NUBPL: variants seen among roughly 807,000 people sequenced by gnomAD.
The protein encoded by NUBPL is NUBP iron-sulfur cluster assembly factor, mitochondrial.
Under a neutral mutation model 45.7 loss-of-function variants are expected in NUBPL, and 31 were observed. The observed-to-expected ratio is 0.68, with a 90% CI of 0.51 to 0.92. The LOEUF (loss-of-function observed/expected upper bound fraction) is 0.92. Among genes scored for constraint, NUBPL ranks in the 40% least tolerant of loss-of-function variants. The probability of loss-of-function intolerance (pLI) is 0.00; values close to 1 mark genes in which losing one functional copy is unlikely to be tolerated. For missense variants in NUBPL, 401 were observed against 398.7 expected (o/e 1.01, Z -0.05); for synonymous variants, 144 against 140.9 (o/e 1.02, Z -0.15).
chr14:31,722,804 T>G (rs6571457), intron 6 of NUBPL, among the ~76,000 whole-genome samples: 37,494 of 152,136 alleles, frequency 0.25, 9,641 homozygotes, highest in African/African-American at 0.66. Context: ...TCTTATAAAT[T>G]TGTTTAAGTT....
chr14:31,852,318 C>A (rs773989135), intron 10 of NUBPL, among the ~76,000 whole-genome samples: 13 of 152,230 alleles, frequency 8.5e-5, no homozygotes, highest in African/African-American at 1.4e-4. Flanking sequence ...TGCTAAAGAG[C>A]TGAGTCCACT....
At chr14:31,718,209 A>G (rs936097515) in intron 6 of NUBPL, among the ~76,000 whole-genome samples, 29 of 152,196 alleles carry the variant, frequency 1.9e-4, no homozygotes, top group African/African-American at 7.0e-4. Context: ...ATCTGCTGCT[A>G]TCTCACTGTT....
rs567590319 is a variant in NUBPL at position 31,815,202 on chromosome 14, T to G, written c.608-11427T>G. ...TTTTTTTTTCCATTTTTTTGTGTCCTCTCTTATTTTCTTGAGCAGCGGTTT... is the reference window on the plus strand; with the variant it reads ...TTTTTTTTTCCATTTTTTTGTGTCCGCTCTTATTTTCTTGAGCAGCGGTTT... On this transcript the variant is annotated intron_variant, in intron 7 of 10. Coordinates refer to ENST00000281081, the MANE Select transcript of NUBPL (RefSeq NM_025152.3). 1.1e-3 allele frequency among the ~76,000 whole-genome samples: 163 copies of G among 152,250 alleles called. 1 individual carries two copies. Among genetic ancestry groups the G allele is most frequent in the African/African-American group, 3.8e-3 (156 of 41,550 alleles).
At chr14:31,694,250 C>A (rs907302172) in intron 6 of NUBPL, among the ~76,000 whole-genome samples, 1 of 152,080 alleles carries the variant, frequency 6.6e-6, no homozygotes, top group Non-Finnish European at 1.5e-5. Context: ...GTACATTAAT[C>A]CTGATTTTGA....
At chr14:31,608,622 T>C (rs1011621085) in intron 4 of NUBPL, among the ~76,000 whole-genome samples, 6 of 152,114 alleles carry the variant, frequency 3.9e-5, no homozygotes, top group Admixed American at 3.3e-4. Flanking sequence ...CACCTGAAGG[T>C]ACAAAACTCA....
chr14:31,645,634 T>G (rs1462629054), intron 4 of NUBPL, among the ~76,000 whole-genome samples: 2 of 152,180 alleles, frequency 1.3e-5, no homozygotes, highest in Non-Finnish European at 2.9e-5. Flanking sequence ...GTTTATTTAT[T>G]ATAAGTTTTT....
intron 6 of NUBPL, among the ~76,000 whole-genome samples, chr14:31,784,246 GTTCGTT>G (rs2039245629): frequency 6.6e-6 from 1 of 152,130 alleles, no homozygotes; most frequent in Non-Finnish European, 1.5e-5. Flanking sequence ...TTTAGTTACA[GTTCGTT>G]TTCTTTTTCC....
chr14:31,664,661 A>T (rs894624512), intron 4 of NUBPL, among the ~76,000 whole-genome samples: 4 of 152,190 alleles, frequency 2.6e-5, no homozygotes, highest in African/African-American at 9.6e-5. Flanking sequence ...GGATTTTCAC[A>T]TCGATGTTCA....
chr14:31,732,372 C>G (rs1444827216), intron 6 of NUBPL, among the ~76,000 whole-genome samples: 1 of 151,794 alleles, frequency 6.6e-6, no homozygotes, highest in Non-Finnish European at 1.5e-5. Flanking sequence ...TTTAAAAACA[C>G]TTTTTTAATA....
At chr14:31,686,151 T>C (rs1411493084) in intron 6 of NUBPL, among the ~76,000 whole-genome samples, 1 of 152,228 alleles carries the variant, frequency 6.6e-6, no homozygotes, top group East Asian at 1.9e-4. Flanking sequence ...TGCCAAGTTT[T>C]TATGACTGTT....
At chr14:31,730,643 T>G (rs2038030730) in intron 6 of NUBPL, among the ~76,000 whole-genome samples, 1 of 152,018 alleles carries the variant, frequency 6.6e-6, no homozygotes, top group African/African-American at 2.4e-5. Flanking sequence ...TTTTTTTGTA[T>G]TTTTACTAGA....
chr14:31,586,078 A>G (rs2033988960), intron 3 of NUBPL, among the ~76,000 whole-genome samples: 1 of 152,144 alleles, frequency 6.6e-6, no homozygotes, highest in Non-Finnish European at 1.5e-5. Flanking sequence ...TCCCCTTTAA[A>G]CAGCAATGGT....
At chr14:31,663,520 G>A (rs1370938791) in intron 4 of NUBPL, among the ~76,000 whole-genome samples, 1 of 152,126 alleles carries the variant, frequency 6.6e-6, no homozygotes, top group Non-Finnish European at 1.5e-5. Flanking sequence ...GCCTGTTTGT[G>A]TCAGGTTTGT....
intron 4 of NUBPL, among the ~76,000 whole-genome samples, chr14:31,636,533 A>G (rs1311775373): frequency 1.3e-5 from 2 of 152,072 alleles, no homozygotes; most frequent in Admixed American, 1.3e-4. Context: ...TTCATCAAGG[A>G]TATTGGTCTA....
intron 6 of NUBPL, among the ~76,000 whole-genome samples, chr14:31,690,639 A>T (rs1178932702): frequency 6.6e-6 from 1 of 152,222 alleles, no homozygotes; most frequent in Non-Finnish European, 1.5e-5. Flanking sequence ...TATCAAGCCC[A>T]AAAGAAATTC....
At chr14:31,566,951 A>C (rs1325125043) in intron 3 of NUBPL, among the ~76,000 whole-genome samples, 4 of 152,152 alleles carry the variant, frequency 2.6e-5, no homozygotes, top group Non-Finnish European at 4.4e-5. Context: ...CAACACCTTA[A>C]TTTTAGCTCA....
At position 31,604,480 on chromosome 14, in the gene NUBPL, T is replaced by A. The variant is rs114115014; in HGVS notation, c.382+5101T>A. Among the ~76,000 whole-genome samples, 1,305 of 152,232 alleles carry A rather than the reference T, an allele frequency of 8.6e-3. 22 individuals are homozygous for A. Among genetic ancestry groups the A allele is most frequent in the African/African-American group, 0.029 (1,214 of 41,536 alleles). ...AAAGGCTTGTTTCCAGCAGTTCAGGTTTTGGGGAGATAGACCAGTGAATTG... is the reference window on the plus strand; with the variant it reads ...AAAGGCTTGTTTCCAGCAGTTCAGGATTTGGGGAGATAGACCAGTGAATTG... On this transcript the variant is annotated intron_variant, in intron 4 of 10. Transcript: ENST00000281081.
chr14:31,739,213 TTATATTA>T (rs1181240947), intron 6 of NUBPL, among the ~76,000 whole-genome samples: 2 of 61,012 alleles, frequency 3.3e-5, no homozygotes, highest in African/African-American at 9.1e-5. Context: ...TATATATATA[TTATATTA>T]TATATATATA....
intron 7 of NUBPL, chr14:31,800,780 G>A (rs567326300): frequency 6.6e-6 from 1 of 152,296 alleles, no homozygotes; most frequent in African/African-American, 2.4e-5. Flanking sequence ...TTGGAATTAA[G>A]TAAAGACTTC....
Sources: gnomAD v4.1 joint callset for allele counts (sites outside exome capture counted in the v4.1 genomes callset) on GRCh38, gnomAD v4.1.1 for gene constraint, MANE v1.5 for transcripts, NCBI Gene and HGNC (gene_info 2026-07-23, HGNC 2026-07-21) for gene names.